Variants in RIMS2 observed in about 807,000 individuals in gnomAD.
RIMS2 encodes the protein regulating synaptic membrane exocytosis protein 2.
RIMS2 carries 59 observed loss-of-function variants against 174.4 expected under a neutral mutation model. The observed-to-expected ratio is 0.34, with a 90% CI of 0.27 to 0.42. The LOEUF (loss-of-function observed/expected upper bound fraction) is 0.42, where lower values mean the gene tolerates loss of function less well. RIMS2 is among the 10% of genes least tolerant of loss of function. The pLI is 1.00. For synonymous variants in RIMS2, 606 were observed against 572.5 expected (o/e 1.06, Z -0.84); for missense variants, 1,620 against 1,666.3 (o/e 0.97, Z 0.48).
intron 1 of RIMS2, among the ~76,000 whole-genome samples, chr8:103,668,515 T>C (rs1338325621): frequency 1.3e-5 from 2 of 152,128 alleles, no homozygotes; most frequent in Non-Finnish European, 2.9e-5. Flanking sequence ...TGAAGTATAT[T>C]TGTCACAAGT....
chr8:103,781,151 T>C (rs1241225014), intron 3 of RIMS2, among the ~76,000 whole-genome samples: 1 of 152,148 alleles, frequency 6.6e-6, no homozygotes, highest in East Asian at 1.9e-4. Flanking sequence ...TCTCCTTTGA[T>C]TGAGTTAAGG....
chr8:103,545,325 C>CA lies in RIMS2; in HGVS notation c.176+44272dup, dbSNP rs377639404. 1.7e-3 allele frequency among the ~76,000 whole-genome samples: 256 copies of CA among 148,980 alleles called. 1 individual carries two copies. Among genetic ancestry groups the CA allele is most frequent in the South Asian group, 4.9e-3 (23 of 4,704 alleles). Reference sequence around the variant, plus strand: ...AAATAACTTAGAAAGAAATTAAAAACAAAAAAAAACAAAACAGAGTGAACA... The same window carrying CA: ...AAATAACTTAGAAAGAAATTAAAAACAAAAAAAAAACAAAACAGAGTGAACA... On this transcript the variant is annotated intron_variant, in intron 1 of 23. Transcript: ENST00000504942.
intron 19 of RIMS2, among the ~76,000 whole-genome samples, chr8:104,210,714 T>C (rs2099101514): frequency 6.6e-6 from 1 of 152,222 alleles, no homozygotes; most frequent in African/African-American, 2.4e-5. Context: ...GGCCTTTCCA[T>C]CTGACTTTTG....
At chr8:103,904,140 G>T (rs1328171482) in intron 4 of RIMS2, among the ~76,000 whole-genome samples, 1 of 151,912 alleles carries the variant, frequency 6.6e-6, no homozygotes, top group Non-Finnish European at 1.5e-5. Context: ...CCACTAATTT[G>T]TACTTTATGT....
chr8:103,695,222 A>G (rs1295412945), intron 1 of RIMS2, among the ~76,000 whole-genome samples: 2 of 152,114 alleles, frequency 1.3e-5, no homozygotes, highest in African/African-American at 2.4e-5. Flanking sequence ...ATAATCTCCC[A>G]CCTGGTTTCC....
chr8:104,221,367 T>A (rs925032800), intron 19 of RIMS2, among the ~76,000 whole-genome samples: 1 of 152,178 alleles, frequency 6.6e-6, no homozygotes, highest in African/African-American at 2.4e-5. Flanking sequence ...CAAAACTTAA[T>A]AAGTTATTTT....
chr8:103,995,700 A>C (rs2095047591), intron 17 of RIMS2, among the ~76,000 whole-genome samples: 1 of 152,052 alleles, frequency 6.6e-6, no homozygotes, highest in Admixed American at 6.6e-5. Flanking sequence ...GATTTTTAGT[A>C]AGGTACCTAT....
At chr8:103,981,967 T>C (rs2154549319) in intron 16 of RIMS2, among the ~76,000 whole-genome samples, 1 of 151,850 alleles carries the variant, frequency 6.6e-6, no homozygotes, top group African/African-American at 2.4e-5. Flanking sequence ...ATGAAACAGG[T>C]TTGTTTTTTT....
At chr8:104,093,372 C>A in intron 19 of RIMS2, 99 bp from the exon 24 acceptor site, 1 of 825,202 alleles carries the variant, frequency 1.2e-6, no homozygotes, top group African/African-American at 1.7e-5. Context: ...TTGCAGTTTC[C>A]TCTGTGGACA....
At chr8:103,746,435 T>A (rs956178267) in intron 2 of RIMS2, among the ~76,000 whole-genome samples, 7 of 152,158 alleles carry the variant, frequency 4.6e-5, no homozygotes, top group Non-Finnish European at 7.3e-5. Flanking sequence ...AAAGACTAGC[T>A]GTATTTATTT....
intron 1 of RIMS2, among the ~76,000 whole-genome samples, chr8:103,625,178 C>T (rs1390711739): frequency 7.2e-6 from 1 of 139,198 alleles, no homozygotes; most frequent in African/African-American, 2.7e-5. Flanking sequence ...CAGTATAATG[C>T]AACCTTTTTT....
intron 1 of RIMS2, among the ~76,000 whole-genome samples, chr8:103,560,951 A>T (rs2091486232): frequency 6.6e-6 from 1 of 152,228 alleles, no homozygotes; most frequent in South Asian, 2.1e-4. Context: ...AAACAAACCA[A>T]CAACCAAAAA....
intron 1 of RIMS2, among the ~76,000 whole-genome samples, chr8:103,580,824 A>ATTT (rs1241385213): frequency 9.8e-5 from 9 of 91,736 alleles, no homozygotes; most frequent in East Asian, 5.0e-4. Flanking sequence ...GAAAGGGAAT[A>ATTT]CTTTTTTTTT....
In RIMS2 at chr8:103,688,321, C is replaced by T. The variant is rs943492464; in HGVS notation, c.177-8765C>T. On this transcript the variant is annotated intron_variant, in intron 1 of 23. Transcript: ENST00000504942. The stretch of plus-strand genomic sequence containing the variant: ...ATCATGAAAGGATATTGAATTTTAT[C>T]AAATGCTTTTTCTGCATCTATTAAA... Among the ~76,000 whole-genome samples the T allele has an allele frequency of 3.9e-4, 59 of 151,970 alleles. 1 individual carries two copies. Among genetic ancestry groups the T allele is most frequent in the African/African-American group, 1.3e-3 (55 of 41,412 alleles).
At chr8:104,234,204 G>T (rs1200851765) in intron 19 of RIMS2, among the ~76,000 whole-genome samples, 1 of 152,106 alleles carries the variant, frequency 6.6e-6, no homozygotes, top group Non-Finnish European at 1.5e-5. Context: ...AGAAAGATAA[G>T]TTACCTGCCC....
rs79292963 is a variant in RIMS2 at position 104,213,494 on chromosome 8, A to T, written c.3335-31422A>T. On this transcript the variant is annotated intron_variant, in intron 19 of 23. Coordinates refer to ENST00000504942, the Ensembl canonical transcript of RIMS2. The stretch of plus-strand genomic sequence containing the variant: ...GTCAACTTTATGAGGAAAAGCAGTC[A>T]TTCCCGTTTGCTCATTATTTTGCTT... Among the ~76,000 whole-genome samples, 1,508 of 152,326 alleles carry T rather than the reference A, an allele frequency of 9.9e-3. 20 individuals carry two copies. Among genetic ancestry groups the T allele is most frequent in the African/African-American group, 0.033 (1,358 of 41,570 alleles).
At chr8:103,838,762 AT>A (rs2098920203) in intron 3 of RIMS2, among the ~76,000 whole-genome samples, 1 of 151,794 alleles carries the variant, frequency 6.6e-6, no homozygotes, top group East Asian at 1.9e-4. Context: ...TCACTTCAGA[AT>A]TGCCATTTAT....
chr8:104,237,800 T>C lies in RIMS2; in HGVS notation c.3335-7116T>C, dbSNP rs1420971710. On this transcript the variant is annotated intron_variant, in intron 19 of 23. Transcript: ENST00000504942. ...CGAAATTGTTGGCTATTTGTCTTTA[T>C]TTTGTTTAGACTTTTAGAGATTTGA... 2.0e-5 allele frequency among the ~76,000 whole-genome samples: 3 copies of C among 152,176 alleles called. No individual in the cohort carries two copies. In the East Asian group the frequency reaches 5.8e-4, roughly 29 times the overall value.
intron 1 of RIMS2, among the ~76,000 whole-genome samples, chr8:103,533,487 G>C (rs1038615247): frequency 5.9e-5 from 9 of 151,878 alleles, no homozygotes; most frequent in Non-Finnish European, 1.2e-4. Context: ...CAAATAATTT[G>C]AGAAAACATT....
Sources: gnomAD v4.1 joint callset for allele counts (sites outside exome capture counted in the v4.1 genomes callset) on GRCh38, gnomAD v4.1.1 for gene constraint, MANE v1.5 for transcripts, NCBI Gene and HGNC (gene_info 2026-07-23, HGNC 2026-07-21) for gene names.